The following SPATA6 variants were observed in gnomAD, a reference collection of about 807,000 sequenced individuals.
SPATA6 encodes the protein spermatogenesis-associated protein 6.
A neutral mutation model predicts 65.3 loss-of-function variants in SPATA6; 56 were observed. The observed-to-expected ratio is 0.86, with a 90% CI of 0.69 to 1.07. The LOEUF is 1.07. SPATA6 is among the 50% of genes least tolerant of loss of function. The probability of loss-of-function intolerance (pLI) is 0.00; values close to 1 mark genes in which losing one functional copy is unlikely to be tolerated. For missense variants in SPATA6, 590 were observed against 594.8 expected (o/e 0.99, Z 0.08); for synonymous variants, 199 against 213.2 (o/e 0.93, Z 0.58).
At chr1:48,467,657 A>C (rs1657912387) in intron 1 of SPATA6, among the ~76,000 whole-genome samples, 1 of 152,166 alleles carries the variant, frequency 6.6e-6, no homozygotes, top group Admixed American at 6.5e-5. Flanking sequence ...GAATGGAGAA[A>C]ATCTGATAAG....
At chr1:48,342,234 T>A (rs1646238660) in intron 11 of SPATA6, among the ~76,000 whole-genome samples, 1 of 152,172 alleles carries the variant, frequency 6.6e-6, no homozygotes, top group Non-Finnish European at 1.5e-5. Flanking sequence ...GCAATAAAAT[T>A]TTGTTTTTTA....
In SPATA6 at chr1:48,361,632, C is replaced by T. The variant is rs150304171; in HGVS notation, c.910-1862G>A. 7.1e-3 allele frequency among the ~76,000 whole-genome samples: 1,075 copies of T among 152,178 alleles called. 14 individuals carry two copies. Among genetic ancestry groups the T allele is most frequent in the African/African-American group, 0.025 (1,031 of 41,526 alleles). On this transcript the variant is annotated intron_variant, in intron 9 of 12. Transcript: ENST00000371847. ...TAGCGCTATTTGTTAAATATTTGAC[C>T]ATTTAGACAGCTATCTAATTCTTCT...
intron 1 of SPATA6, among the ~76,000 whole-genome samples, chr1:48,471,253 G>A (rs941414615): frequency 6.6e-6 from 1 of 152,144 alleles, no homozygotes; most frequent in Non-Finnish European, 1.5e-5. Context: ...GAAGGGGTGG[G>A]GTTGCAAGGT....
At chr1:48,311,642 C>T (rs764046095) in intron 11 of SPATA6, among the ~76,000 whole-genome samples, 29 of 152,172 alleles carry the variant, frequency 1.9e-4, no homozygotes, top group Non-Finnish European at 2.8e-4. Flanking sequence ...CCAACGTGAG[C>T]GACACAGAAG....
chr1:48,313,981 G>C (rs1645315568), intron 11 of SPATA6, among the ~76,000 whole-genome samples: 1 of 152,184 alleles, frequency 6.6e-6, no homozygotes, highest in Non-Finnish European at 1.5e-5. Context: ...AATTCAACAA[G>C]AAGAGCTAAC....
chr1:48,290,482 A>G (rs1644759479), downstream of SPATA6, among the ~76,000 whole-genome samples: 1 of 152,176 alleles, frequency 6.6e-6, no homozygotes, highest in South Asian at 2.1e-4. Flanking sequence ...ACAGGATCAA[A>G]TTCACACATA....
At chr1:48,295,102 A>T (rs1644793125), downstream of SPATA6, among the ~76,000 whole-genome samples, 1 of 152,190 alleles carries the variant, frequency 6.6e-6, no homozygotes, top group African/African-American at 2.4e-5. Context: ...TGAATGTATA[A>T]CTTGCCTAAG....
Position 48,372,599 on chromosome 1 carries a change from C to T in SPATA6, c.909+12710G>A, listed in dbSNP as rs114621780. The stretch of plus-strand genomic sequence containing the variant: ...CTGGAGGATGGTGGCCCTCTTTTCA[C>T]ACTCCACCAGGCAGTGCCCCAGTAG... On this transcript the variant is annotated intron_variant, in intron 9 of 12. Coordinates refer to ENST00000371847, the MANE Select transcript of SPATA6 (RefSeq NM_019073.4). Among the ~76,000 whole-genome samples, 692 of 152,330 alleles carry T rather than the reference C, an allele frequency of 4.5e-3. 4 individuals carry two copies. Among genetic ancestry groups the T allele is most frequent in the African/African-American group, 0.015 (618 of 41,576 alleles).
At chr1:48,305,446 G>C (rs942011761) in intron 12 of SPATA6, among the ~76,000 whole-genome samples, 1 of 151,990 alleles carries the variant, frequency 6.6e-6, no homozygotes, top group Non-Finnish European at 1.5e-5. Flanking sequence ...AATAGAATTT[G>C]CTCTTACAGA....
At chr1:48,463,613 C>CA (rs1657602176) in intron 1 of SPATA6, among the ~76,000 whole-genome samples, 1 of 151,932 alleles carries the variant, frequency 6.6e-6, no homozygotes, top group Non-Finnish European at 1.5e-5. Context: ...GTGGTAAATA[C>CA]AAAATTCAGG....
At chr1:48,292,713 G>A (rs906552993), downstream of SPATA6, among the ~76,000 whole-genome samples, 45 of 152,364 alleles carry the variant, frequency 3.0e-4, no homozygotes, top group African/African-American at 1.0e-3. Context: ...GGGCATGCAC[G>A]CAGTGGTGCA....
At chr1:48,457,581 A>G (rs1657107068) in intron 1 of SPATA6, among the ~76,000 whole-genome samples, 1 of 152,244 alleles carries the variant, frequency 6.6e-6, no homozygotes, top group Admixed American at 6.5e-5. Context: ...TGAAGCCAGT[A>G]GGCAGAGTGA....
intron 3 of SPATA6, chr1:48,437,244 T>G (rs1172277638): frequency 1.2e-6 from 2 of 1,609,294 alleles, no homozygotes; most frequent in East Asian, 2.2e-5. Context: ...TCATTTCATG[T>G]CCTATATACT....
intron 11 of SPATA6, among the ~76,000 whole-genome samples, chr1:48,350,979 T>TG (rs764344785): frequency 2.0e-5 from 3 of 151,976 alleles, no homozygotes; most frequent in Admixed American, 6.6e-5. Context: ...TGAATCCTCC[T>TG]GTCCATGAAC....
chr1:48,311,927 C>T (rs749729393), intron 11 of SPATA6, among the ~76,000 whole-genome samples: 3 of 152,190 alleles, frequency 2.0e-5, no homozygotes, highest in Non-Finnish European at 4.4e-5. Flanking sequence ...TTGTATCCCG[C>T]GATTGGCTTG....
intron 9 of SPATA6, among the ~76,000 whole-genome samples, chr1:48,361,322 G>T (rs539010307): frequency 3.3e-5 from 5 of 152,240 alleles, no homozygotes; most frequent in South Asian, 4.1e-4. Context: ...AATAAACAAT[G>T]TATTTTAAGG....
chr1:48,342,231 A>C (rs1646238499), intron 11 of SPATA6, among the ~76,000 whole-genome samples: 4 of 152,144 alleles, frequency 2.6e-5, no homozygotes, highest in Admixed American at 2.6e-4. Context: ...ACTGCAATAA[A>C]ATTTTGTTTT....
At chr1:48,263,359 A>G in the SPATA6 span, among the ~76,000 whole-genome samples, 1 of 152,192 alleles carries the variant, frequency 6.6e-6, no homozygotes, top group Non-Finnish European at 1.5e-5. Context: ...AAGATGGATC[A>G]AAAGTATATT....
intron 1 of SPATA6, among the ~76,000 whole-genome samples, chr1:48,463,764 A>G (rs1657613542): frequency 6.6e-6 from 1 of 152,110 alleles, no homozygotes; most frequent in South Asian, 2.1e-4. Flanking sequence ...TTCAAAATAA[A>G]TGTTTTAAAA....
Sources: gnomAD v4.1 joint callset for allele counts (sites outside exome capture counted in the v4.1 genomes callset) on GRCh38, gnomAD v4.1.1 for gene constraint, MANE v1.5 for transcripts, NCBI Gene and HGNC (gene_info 2026-07-23, HGNC 2026-07-21) for gene names.